DGKI: variants seen among roughly 807,000 people sequenced by gnomAD.
DGKI encodes DAG kinase iota.
Under a neutral mutation model 147.5 loss-of-function variants are expected in DGKI, and 55 were observed. The observed-to-expected ratio is 0.37, with a 90% CI of 0.30 to 0.47. The LOEUF is 0.47. Among genes scored for constraint, DGKI ranks in the 20% least tolerant of loss-of-function variants. The pLI is 1.00. For synonymous variants in DGKI, 469 were observed against 477.1 expected, an observed-to-expected ratio of 0.98 and a Z score of 0.22; for missense variants, 1,007 against 1,323.8, an observed-to-expected ratio of 0.76 and a Z score of 3.71.
intron 3 of DGKI, among the ~76,000 whole-genome samples, chr7:137,662,333 TC>T (rs1474602527): frequency 6.8e-6 from 1 of 147,944 alleles, no homozygotes; most frequent in African/African-American, 2.5e-5. Flanking sequence ...AAGCTCTGCC[TC>T]CCGGGTTCAC....
At chr7:137,548,270 A>G (rs1817928634) in intron 20 of DGKI, among the ~76,000 whole-genome samples, 1 of 152,192 alleles carries the variant, frequency 6.6e-6, no homozygotes, top group African/African-American at 2.4e-5. Context: ...AACAGAAGAT[A>G]GAGTTCAAAG....
chr7:137,766,232 C>G (rs954853066), intron 1 of DGKI, among the ~76,000 whole-genome samples: 2 of 152,144 alleles, frequency 1.3e-5, no homozygotes, highest in African/African-American at 2.4e-5. Flanking sequence ...GATCCTCCAG[C>G]CTAACAGGAA....
At chr7:137,637,658 C>T (rs1423273917) in intron 6 of DGKI, among the ~76,000 whole-genome samples, 2 of 152,234 alleles carry the variant, frequency 1.3e-5, no homozygotes, top group Admixed American at 6.5e-5. Flanking sequence ...TATTAATCAG[C>T]AGAACCTTGA....
intron 28 of DGKI, among the ~76,000 whole-genome samples, chr7:137,437,486 C>G (rs575415861): frequency 6.6e-6 from 1 of 152,228 alleles, no homozygotes; most frequent in African/African-American, 2.4e-5. Flanking sequence ...AAACTCTATT[C>G]ATAGCCATTT....
At chr7:137,692,827 T>G in intron 1 of DGKI, among the ~76,000 whole-genome samples, 1 of 152,210 alleles carries the variant, frequency 6.6e-6, no homozygotes, top group East Asian at 1.9e-4. Context: ...AATTTAAGGT[T>G]GGTTTTATGT....
intron 23 of DGKI, among the ~76,000 whole-genome samples, chr7:137,476,269 G>A (rs546238598): frequency 2.0e-4 from 30 of 152,252 alleles, no homozygotes; most frequent in Non-Finnish European, 2.5e-4. Flanking sequence ...ACACTAATCC[G>A]GACAAGCTGT....
At chr7:137,654,431 T>A (rs189168535) in intron 5 of DGKI, among the ~76,000 whole-genome samples, 1 of 152,226 alleles carries the variant, frequency 6.6e-6, no homozygotes. Flanking sequence ...AATAAATAAG[T>A]AATAAAAGTC....
chr7:137,631,006 A>C (rs995359782), intron 6 of DGKI, among the ~76,000 whole-genome samples: 1 of 152,212 alleles, frequency 6.6e-6, no homozygotes, highest in Non-Finnish European at 1.5e-5. Flanking sequence ...AAAAAAGACT[A>C]GTTAAAATAG....
intron 21 of DGKI, among the ~76,000 whole-genome samples, chr7:137,506,052 T>G (rs959346930): frequency 2.8e-4 from 43 of 152,154 alleles, no homozygotes; most frequent in African/African-American, 1.0e-3. Context: ...AGCTTGGCAG[T>G]TTCTCACAAA....
intron 20 of DGKI, among the ~76,000 whole-genome samples, chr7:137,550,217 G>A (rs1345176526): frequency 6.6e-6 from 1 of 151,180 alleles, no homozygotes; most frequent in East Asian, 1.9e-4. Context: ...CCAGGCTGGA[G>A]TGCAGTGGTG....
intron 17 of DGKI, among the ~76,000 whole-genome samples, chr7:137,573,143 A>T (rs1818849480): frequency 6.6e-6 from 1 of 152,212 alleles, no homozygotes; most frequent in South Asian, 2.1e-4. Context: ...GATGATTATT[A>T]GTTATCTAGA....
intron 1 of DGKI, among the ~76,000 whole-genome samples, chr7:137,795,501 C>T (rs1796993918): frequency 1.3e-5 from 2 of 152,194 alleles, no homozygotes; most frequent in Non-Finnish European, 2.9e-5. Context: ...CCAAAAGAAT[C>T]AGGAATTGTT....
chr7:137,599,781 C>A, intron 11 of DGKI, 42 bp downstream of exon 11: 1 of 1,582,260 alleles, frequency 6.3e-7, no homozygotes, highest in Non-Finnish European at 8.7e-7. Context: ...TTCTCACTTG[C>A]CTAAAATACA....
chr7:137,614,067 C>T (rs944358709), intron 8 of DGKI, among the ~76,000 whole-genome samples: 2 of 152,154 alleles, frequency 1.3e-5, no homozygotes, highest in Non-Finnish European at 2.9e-5. Context: ...ATATATTACT[C>T]ATGTTACTAC....
intron 3 of DGKI, among the ~76,000 whole-genome samples, chr7:137,670,896 T>C (rs1053770959): frequency 1.3e-5 from 2 of 152,164 alleles, no homozygotes; most frequent in Non-Finnish European, 1.5e-5. Context: ...CTTGGTGCAT[T>C]CTAAGTCCAA....
chr7:137,512,932 A>G (rs575742050), intron 21 of DGKI, among the ~76,000 whole-genome samples: 1 of 152,304 alleles, frequency 6.6e-6, no homozygotes, highest in African/African-American at 2.4e-5. Context: ...GAGTAGGCTC[A>G]TCTATAAACC....
At chr7:137,806,557 C>T (rs1797370919) in intron 1 of DGKI, among the ~76,000 whole-genome samples, 1 of 152,144 alleles carries the variant, frequency 6.6e-6, no homozygotes, top group African/African-American at 2.4e-5. Flanking sequence ...CCTCATCCTC[C>T]TGAGTACCTG....
chr7:137,560,105 G>A (rs987291840), intron 19 of DGKI, among the ~76,000 whole-genome samples: 5 of 151,920 alleles, frequency 3.3e-5, no homozygotes, highest in Non-Finnish European at 5.9e-5. Context: ...ACCCACATAC[G>A]ATGTATCATC....
chr7:137,424,321 A>G (rs1812694390), intron 28 of DGKI, among the ~76,000 whole-genome samples: 3 of 152,198 alleles, frequency 2.0e-5, no homozygotes, highest in Non-Finnish European at 4.4e-5. Flanking sequence ...TTTATTGTCC[A>G]GTTGATAGGA....
Sources: gnomAD v4.1 joint callset for allele counts (sites outside exome capture counted in the v4.1 genomes callset) on GRCh38, gnomAD v4.1.1 for gene constraint, MANE v1.5 for transcripts, NCBI Gene and HGNC (gene_info 2026-07-23, HGNC 2026-07-21) for gene names.